CAMK2D: variants seen among roughly 807,000 people sequenced by gnomAD.
CAMK2D encodes calcium/calmodulin dependent protein kinase II delta, also known as calcium/calmodulin-dependent protein kinase type II subunit delta.
In CAMK2D, 37 loss-of-function variants were observed where a neutral mutation model predicts 84.0. The observed-to-expected ratio is 0.44, with a 90% CI of 0.34 to 0.58. The LOEUF (loss-of-function observed/expected upper bound fraction) is 0.58, where lower values mean the gene tolerates loss of function less well. Among genes scored for constraint, CAMK2D ranks in the 20% least tolerant of loss-of-function variants. The pLI, the probability that CAMK2D is intolerant of heterozygous loss-of-function variation, is 0.02. For synonymous variants in CAMK2D, 202 were observed against 212.5 expected (o/e 0.95, Z 0.43); for missense variants, 448 against 652.5 (o/e 0.69, Z 3.41).
intron 4 of CAMK2D, among the ~76,000 whole-genome samples, chr4:113,564,269 C>G (rs890589120): frequency 2.0e-5 from 3 of 152,186 alleles, no homozygotes; most frequent in African/African-American, 7.2e-5. Flanking sequence ...GTGGCACACT[C>G]TTACTGAGCT....
intron 4 of CAMK2D, among the ~76,000 whole-genome samples, chr4:113,587,113 AG>A (rs1192656644): frequency 6.6e-6 from 1 of 152,196 alleles, no homozygotes; most frequent in Non-Finnish European, 1.5e-5. Context: ...ATCCTAGCAC[AG>A]CCACTTACTC....
At chr4:113,580,156 G>A (rs2098801209) in intron 4 of CAMK2D, among the ~76,000 whole-genome samples, 1 of 152,042 alleles carries the variant, frequency 6.6e-6, no homozygotes, top group African/African-American at 2.4e-5. Flanking sequence ...TATTAATGAA[G>A]CTCTTTCAAA....
intron 6 of CAMK2D, among the ~76,000 whole-genome samples, chr4:113,545,833 T>G (rs528972425): frequency 2.6e-5 from 4 of 152,194 alleles, no homozygotes; most frequent in Non-Finnish European, 5.9e-5. Flanking sequence ...AAAAGTACTT[T>G]CCCTGCCTTA....
intron 4 of CAMK2D, among the ~76,000 whole-genome samples, chr4:113,568,846 T>C (rs1652324556): frequency 2.0e-5 from 3 of 152,176 alleles, no homozygotes; most frequent in Admixed American, 2.0e-4. Context: ...TAATGATGAG[T>C]AATGTTGAGT....
rs529664542 is a variant in CAMK2D at position 113,683,848 on chromosome 4, A to T, written c.161-22076T>A. 9.6e-4 allele frequency among the ~76,000 whole-genome samples: 147 copies of T among 152,368 alleles called. 1 individual carries two copies. Among genetic ancestry groups the T allele is most frequent in the African/African-American group, 3.4e-3 (140 of 41,592 alleles). ...AATATCGGTTTTGATCAGAGGCACG[A>T]GGAACCAGATTCTGTGTGCAACACA... On this transcript the variant is annotated intron_variant, in intron 2 of 20. Transcript: ENST00000511664.
At chr4:113,589,301 A>T (rs2098848206) in intron 4 of CAMK2D, among the ~76,000 whole-genome samples, 1 of 152,184 alleles carries the variant, frequency 6.6e-6, no homozygotes, top group African/African-American at 2.4e-5. Flanking sequence ...GTGATCCAGC[A>T]AGCGATGATA....
At chr4:113,669,908 A>AACTTCC (rs1019828436) in intron 2 of CAMK2D, among the ~76,000 whole-genome samples, 11 of 152,184 alleles carry the variant, frequency 7.2e-5, no homozygotes, top group African/African-American at 2.7e-4. Flanking sequence ...AGGAAATCAA[A>AACTTCC]ACTTCCAGAT....
chr4:113,544,037 C>G (rs925187429), intron 6 of CAMK2D, among the ~76,000 whole-genome samples: 7 of 152,076 alleles, frequency 4.6e-5, no homozygotes, highest in Admixed American at 3.9e-4. Context: ...ATGATCCACC[C>G]GCCTTAAGCA....
intron 17 of CAMK2D, among the ~76,000 whole-genome samples, chr4:113,462,240 A>T (rs1300957917): frequency 2.0e-5 from 3 of 151,604 alleles, no homozygotes; most frequent in Non-Finnish European, 2.9e-5. Context: ...TTACCCAGCC[A>T]TGAAAAAGAG....
At chr4:113,523,863 T>C (rs952967902) in intron 8 of CAMK2D, among the ~76,000 whole-genome samples, 1 of 151,866 alleles carries the variant, frequency 6.6e-6, no homozygotes, top group Non-Finnish European at 1.5e-5. Flanking sequence ...TGTTTTTTTG[T>C]TTTGTTTTGT....
chr4:113,651,609 G>C, intron 3 of CAMK2D, among the ~76,000 whole-genome samples: 1 of 152,252 alleles, frequency 6.6e-6, no homozygotes, highest in Non-Finnish European at 1.5e-5. Flanking sequence ...TCTGATGTAA[G>C]AATTCATCAT....
chr4:113,580,408 G>A (rs994522581), intron 4 of CAMK2D, among the ~76,000 whole-genome samples: 1 of 152,148 alleles, frequency 6.6e-6, no homozygotes, highest in African/African-American at 2.4e-5. Context: ...CAATGATAAT[G>A]TTACACATTT....
chr4:113,725,967 C>T (rs2099544583), intron 2 of CAMK2D, among the ~76,000 whole-genome samples: 1 of 152,084 alleles, frequency 6.6e-6, no homozygotes, highest in African/African-American at 2.4e-5. Flanking sequence ...TGTTTGAATA[C>T]TATGGTCAAC....
intron 2 of CAMK2D, chr4:113,755,235 C>T (rs1324661048): frequency 9.9e-6 from 2 of 201,142 alleles, no homozygotes; most frequent in African/African-American, 4.8e-5. Flanking sequence ...TAGATGAGGC[C>T]TAATTTTGCA....
At chr4:113,476,398 G>T (rs1489256694) in intron 16 of CAMK2D, among the ~76,000 whole-genome samples, 1 of 152,062 alleles carries the variant, frequency 6.6e-6, no homozygotes, top group East Asian at 1.9e-4. Context: ...ACGACAACGA[G>T]ATAAATGTGA....
chr4:113,531,156 G>T, intron 8 of CAMK2D, 60 bp downstream of exon 8: 1 of 839,324 alleles, frequency 1.2e-6, no homozygotes, highest in South Asian at 1.3e-5. Context: ...TGTTATAGCA[G>T]ACCAAATGGA....
chr4:113,533,495 TAAG>T (rs1408719120), intron 7 of CAMK2D, among the ~76,000 whole-genome samples: 1 of 151,862 alleles, frequency 6.6e-6, no homozygotes, highest in Non-Finnish European at 1.5e-5. Flanking sequence ...GAAAAACCAA[TAAG>T]AAAATCAAAA....
At chr4:113,758,733 A>G (rs1341535893) in intron 2 of CAMK2D, among the ~76,000 whole-genome samples, 1 of 152,192 alleles carries the variant, frequency 6.6e-6, no homozygotes, top group Admixed American at 6.5e-5. Flanking sequence ...ACATGTGTAA[A>G]ATACATTACA....
chr4:113,567,021 G>A (rs982809895), intron 4 of CAMK2D, among the ~76,000 whole-genome samples: 3 of 151,756 alleles, frequency 2.0e-5, no homozygotes, highest in African/African-American at 7.3e-5. Flanking sequence ...TGCAATAAAC[G>A]TCTACTGACT....
Sources: gnomAD v4.1 joint callset for allele counts (sites outside exome capture counted in the v4.1 genomes callset) on GRCh38, gnomAD v4.1.1 for gene constraint, MANE v1.5 for transcripts, NCBI Gene and HGNC (gene_info 2026-07-23, HGNC 2026-07-21) for gene names.